Variants in RGS6 observed in about 807,000 individuals in gnomAD.
The protein encoded by RGS6 is regulator of G protein signaling 6.
In RGS6, 30 loss-of-function variants were observed where a neutral mutation model predicts 78.5. The ratio of observed to expected loss-of-function variants is 0.38; its 90% CI spans 0.29 to 0.52. The LOEUF is 0.52. RGS6 is among the 20% of genes least tolerant of loss of function. RGS6 has a pLI of 0.85. For missense variants in RGS6, 495 were observed against 609.7 expected, an observed-to-expected ratio of 0.81 and a Z score of 1.98; for synonymous variants, 206 against 206.0, an observed-to-expected ratio of 1.00 and a Z score of 0.00.
At chr14:72,260,793 A>G (rs1277525941) in intron 2 of RGS6, among the ~76,000 whole-genome samples, 3 of 152,210 alleles carry the variant, frequency 2.0e-5, no homozygotes, top group African/African-American at 7.2e-5. Context: ...TCCAACATAC[A>G]GTATTTGATA....
At chr14:72,243,931 A>G (rs1398542239) in intron 2 of RGS6, among the ~76,000 whole-genome samples, 1 of 152,198 alleles carries the variant, frequency 6.6e-6, no homozygotes, top group Non-Finnish European at 1.5e-5. Context: ...TTACTCTCCA[A>G]AGGTTTGCTA....
At chr14:72,273,138 AAAAAAG>A (rs1388647334) in intron 2 of RGS6, among the ~76,000 whole-genome samples, 2 of 152,066 alleles carry the variant, frequency 1.3e-5, no homozygotes, top group African/African-American at 2.4e-5. Context: ...ATCTCAAAAA[AAAAAAG>A]AAAGAAAGAA....
chr14:72,271,997 G>A (rs1384858174), intron 2 of RGS6, among the ~76,000 whole-genome samples: 6 of 151,246 alleles, frequency 4.0e-5, no homozygotes, highest in Non-Finnish European at 8.8e-5. Flanking sequence ...GGATAATCGA[G>A]GATAATCTTC....
At chr14:72,439,568 T>C (rs1000696911) in intron 3 of RGS6, among the ~76,000 whole-genome samples, 3 of 152,250 alleles carry the variant, frequency 2.0e-5, no homozygotes, top group African/African-American at 7.2e-5. Flanking sequence ...TCTACAAGGC[T>C]ATCGCTAAGC....
At chr14:71,975,598 A>G (rs1222137833) in intron 2 of RGS6, among the ~76,000 whole-genome samples, 1 of 152,118 alleles carries the variant, frequency 6.6e-6, no homozygotes, top group African/African-American at 2.4e-5. Flanking sequence ...AGCTGGGACT[A>G]GAGGTGCGTG....
At chr14:72,102,088 A>G (rs758741218) in intron 2 of RGS6, among the ~76,000 whole-genome samples, 2 of 152,218 alleles carry the variant, frequency 1.3e-5, no homozygotes, top group Non-Finnish European at 2.9e-5. Flanking sequence ...AGTCCCACAT[A>G]GAAAATTGTT....
chr14:72,410,844 C>G (rs898103054), intron 3 of RGS6, among the ~76,000 whole-genome samples: 1 of 151,990 alleles, frequency 6.6e-6, no homozygotes. Flanking sequence ...CCCATTTCTT[C>G]TTTTTGTCAG....
intron 2 of RGS6, among the ~76,000 whole-genome samples, chr14:72,245,865 G>C (rs2054098460): frequency 6.6e-6 from 1 of 152,166 alleles, no homozygotes; most frequent in Non-Finnish European, 1.5e-5. Flanking sequence ...AGTCAACTGG[G>C]AGAAACAACA....
intron 2 of RGS6, among the ~76,000 whole-genome samples, chr14:72,302,386 T>A (rs2066267012): frequency 6.6e-6 from 1 of 152,218 alleles, no homozygotes; most frequent in African/African-American, 2.4e-5. Flanking sequence ...AGAGCATCAC[T>A]ATATAAATTC....
the RGS6 span, among the ~76,000 whole-genome samples, chr14:72,592,446 T>C: frequency 6.6e-6 from 1 of 152,352 alleles, no homozygotes; most frequent in East Asian, 1.9e-4. Context: ...TAACAAGGTG[T>C]TAAGCTGAAG....
chr14:72,580,608 C>CA, the RGS6 span, among the ~76,000 whole-genome samples: 1 of 152,174 alleles, frequency 6.6e-6, no homozygotes, highest in African/African-American at 2.4e-5. Context: ...AGGCTGCTCC[C>CA]AAGAATGTTT....
intron 2 of RGS6, among the ~76,000 whole-genome samples, chr14:72,268,639 C>T (rs9323567): frequency 0.19 from 29,097 of 152,198 alleles, 5,191 homozygotes; most frequent in African/African-American, 0.48. Context: ...ATAAGCTACT[C>T]GTGCCTTCTA....
intron 15 of RGS6, among the ~76,000 whole-genome samples, chr14:72,522,236 T>A (rs991919175): frequency 6.6e-6 from 1 of 152,168 alleles, no homozygotes; most frequent in African/African-American, 2.4e-5. Flanking sequence ...ATAACTCTGG[T>A]CTCTCTTCCT....
intron 9 of RGS6, chr14:72,474,179 T>A (rs575415856): frequency 6.5e-6 from 1 of 153,218 alleles, no homozygotes; most frequent in African/African-American, 2.4e-5. Flanking sequence ...GTATTTCTGA[T>A]TTCACGTTAT....
At chr14:71,896,930 C>T in the RGS6 span, among the ~76,000 whole-genome samples, 1 of 152,238 alleles carries the variant, frequency 6.6e-6, no homozygotes, top group African/African-American at 2.4e-5. Context: ...AAGAGGCTAT[C>T]TTCTTGATTC....
chr14:71,896,843 A>G, the RGS6 span, among the ~76,000 whole-genome samples: 1 of 152,280 alleles, frequency 6.6e-6, no homozygotes. Flanking sequence ...AATTGGTCTG[A>G]CCTTGCTATT....
At chr14:72,388,734 T>C (rs1010005371) in intron 3 of RGS6, among the ~76,000 whole-genome samples, 5 of 152,190 alleles carry the variant, frequency 3.3e-5, no homozygotes, top group Non-Finnish European at 7.4e-5. Context: ...ACTCTCTGGG[T>C]TTGAATCCCA....
At chr14:72,538,502 C>T (rs2097279315) in intron 16 of RGS6, among the ~76,000 whole-genome samples, 2 of 152,186 alleles carry the variant, frequency 1.3e-5, no homozygotes, top group African/African-American at 4.8e-5. Flanking sequence ...CAGGGCAGCT[C>T]AATGGCCAGT....
chr14:72,352,248 A>G, intron 3 of RGS6, 54 bp downstream of exon 3: 3 of 1,382,892 alleles, frequency 2.2e-6, no homozygotes, highest in South Asian at 2.4e-5. Flanking sequence ...AAAGAGTTAT[A>G]AGTCTAGATT....
Sources: allele counts gnomAD v4.1 joint callset (sites outside exome capture counted in the v4.1 genomes callset), GRCh38; gene constraint gnomAD v4.1.1; transcripts MANE v1.5; gene names NCBI Gene and HGNC (gene_info 2026-07-23, HGNC 2026-07-21).